Variants in NCAM2 observed in about 807,000 individuals in gnomAD.
The protein encoded by NCAM2 is neural cell adhesion molecule 2.
Under a neutral mutation model 98.1 loss-of-function variants are expected in NCAM2, and 30 were observed. The ratio of observed to expected loss-of-function variants is 0.31; its 90% CI spans 0.23 to 0.41. NCAM2 has a LOEUF of 0.41. NCAM2 is among the 10% of genes least tolerant of loss of function. The pLI is 1.00. For missense variants in NCAM2, 867 were observed against 1,005.8 expected (o/e 0.86, Z 1.87); for synonymous variants, 368 against 342.4 (o/e 1.07, Z -0.83).
intron 1 of NCAM2, among the ~76,000 whole-genome samples, chr21:21,048,192 T>TA (rs1432804459): frequency 6.6e-6 from 1 of 152,182 alleles, no homozygotes; most frequent in Non-Finnish European, 1.5e-5. Flanking sequence ...CTCTGTACAA[T>TA]AAAACTTGGT....
At chr21:21,123,099 T>C (rs945822829) in intron 1 of NCAM2, among the ~76,000 whole-genome samples, 3 of 152,162 alleles carry the variant, frequency 2.0e-5, no homozygotes, top group African/African-American at 4.8e-5. Flanking sequence ...AACATATGAT[T>C]TGAAAATTTT....
At chr21:21,217,496 G>GA (rs962421317) in intron 1 of NCAM2, among the ~76,000 whole-genome samples, 10 of 151,684 alleles carry the variant, frequency 6.6e-5, no homozygotes, top group African/African-American at 1.7e-4. Context: ...CTATAGAAAT[G>GA]AAAAAAAATC....
At chr21:21,520,833 A>AT in intron 16 of NCAM2, among the ~76,000 whole-genome samples, 1 of 152,204 alleles carries the variant, frequency 6.6e-6, no homozygotes, top group East Asian at 1.9e-4. Context: ...TTATTGATGA[A>AT]TTGGTAGAGG....
chr21:21,460,182 G>A (rs144168544), intron 12 of NCAM2, among the ~76,000 whole-genome samples: 1,841 of 151,908 alleles, frequency 0.012, 15 homozygotes, highest in Non-Finnish European at 0.02. Context: ...TTTATTGGGA[G>A]ATAATACATT....
chr21:21,212,265 C>A (rs566218304), intron 1 of NCAM2, among the ~76,000 whole-genome samples: 83 of 152,094 alleles, frequency 5.5e-4, no homozygotes, highest in Non-Finnish European at 1.1e-3. Context: ...GATGAATTTT[C>A]CACGAATTAT....
chr21:21,054,363 A>C (rs1420974752), intron 1 of NCAM2, among the ~76,000 whole-genome samples: 1 of 152,012 alleles, frequency 6.6e-6, no homozygotes, highest in Admixed American at 6.6e-5. Flanking sequence ...TCAGTTTGTA[A>C]ATCTTACTGC....
chr21:21,510,705 C>T (rs1175982432), intron 16 of NCAM2, among the ~76,000 whole-genome samples: 2 of 151,600 alleles, frequency 1.3e-5, no homozygotes, highest in South Asian at 2.1e-4. Flanking sequence ...AAAGTTTTGG[C>T]TTTTAAAATA....
At chr21:21,204,494 G>A (rs1041736429) in intron 1 of NCAM2, among the ~76,000 whole-genome samples, 5 of 152,010 alleles carry the variant, frequency 3.3e-5, no homozygotes, top group Admixed American at 2.6e-4. Flanking sequence ...TCGCTGTTTT[G>A]TAAATAACAT....
chr21:21,161,747 A>G (rs1429876942), intron 1 of NCAM2, among the ~76,000 whole-genome samples: 1 of 152,010 alleles, frequency 6.6e-6, no homozygotes, highest in African/African-American at 2.4e-5. Flanking sequence ...GGACCAATAT[A>G]TATGCAAACT....
At position 21,542,102 on chromosome 21, in the gene NCAM2, T is replaced by G. The variant is rs1402752273; in HGVS notation, c.*4145T>G. On this transcript the variant is annotated 3_prime_UTR_variant, in exon 18 of 18. Transcript: ENST00000400546. ...GTAAAATTTTCAAGAAAGTATTTTA[T>G]TCATGGACTTAATAATGTCTTAAGA... 1 of 151,910 alleles carries G rather than the reference T, an allele frequency of 6.6e-6. No homozygotes were observed. Among genetic ancestry groups the G allele is most frequent in the Non-Finnish European group, 1.5e-5 (1 of 67,848 alleles). The allele number at this position is 151,910 out of a possible 1,614,324, so 9.4% of individuals were successfully genotyped here. A position where few individuals can be genotyped will look rare whatever the true frequency, so the allele number is the denominator to read the frequency against.
In NCAM2 at chr21:21,169,768, G is replaced by T. The variant is rs1306248834; in HGVS notation, c.56-110810G>T. On this transcript the variant is annotated intron_variant, in intron 1 of 17. Coordinates refer to ENST00000400546, the MANE Select transcript of NCAM2 (RefSeq NM_004540.5). ...GTTTGAAACCAGCCTGGGCAACATG[G>T]TGAAATTCATTCTCTGCAAATAAAA... 2.6e-5 allele frequency among the ~76,000 whole-genome samples: 4 copies of T among 151,974 alleles called. No homozygotes were observed. In the South Asian group the frequency reaches 8.3e-4, roughly 32 times the overall value.
intron 9 of NCAM2, among the ~76,000 whole-genome samples, chr21:21,376,754 T>G (rs990602156): frequency 7.2e-5 from 11 of 151,848 alleles, no homozygotes; most frequent in African/African-American, 2.7e-4. Flanking sequence ...TTTATAAGTT[T>G]AAATATTGGT....
intron 16 of NCAM2, among the ~76,000 whole-genome samples, chr21:21,525,193 A>G (rs1177039501): frequency 2.0e-5 from 3 of 152,130 alleles, no homozygotes; most frequent in Non-Finnish European, 2.9e-5. Context: ...AACAAAATCA[A>G]TAGAGAAAAT....
chr21:21,057,917 C>T (rs1348138010), intron 1 of NCAM2, among the ~76,000 whole-genome samples: 1 of 152,114 alleles, frequency 6.6e-6, no homozygotes, highest in African/African-American at 2.4e-5. Flanking sequence ...GACTCCAATA[C>T]CTGTCTCCTT....
At chr21:21,451,429 A>G (rs528644615) in intron 12 of NCAM2, among the ~76,000 whole-genome samples, 4 of 152,290 alleles carry the variant, frequency 2.6e-5, no homozygotes, top group East Asian at 1.9e-4. Context: ...TTAATTCTTA[A>G]TGAACATGAG....
intron 1 of NCAM2, among the ~76,000 whole-genome samples, chr21:21,005,350 G>A (rs925878718): frequency 6.6e-6 from 1 of 152,028 alleles, no homozygotes; most frequent in South Asian, 2.1e-4. Flanking sequence ...TGGTAGGAAC[G>A]TGCCGCATGA....
Position 21,473,903 on chromosome 21 carries a change from CA to C in NCAM2, c.1897-3374del, listed in dbSNP as rs5842929. Among the ~76,000 whole-genome samples the C allele has an allele frequency of 9.6e-3, 1,308 of 136,218 alleles. 11 individuals are homozygous for C. Among genetic ancestry groups the C allele is most frequent in the African/African-American group, 0.024 (875 of 36,386 alleles). 89.4% of individuals were successfully genotyped at this position (136,218 alleles called of 152,430 possible). Reference sequence around the variant, plus strand: ...CCATATGGCCCTGCTATTTTCTGACCAAAAAAAAAAAAAAGGAATTGCTTAA... The same window carrying C: ...CCATATGGCCCTGCTATTTTCTGACCAAAAAAAAAAAAAGGAATTGCTTAA... On this transcript the variant is annotated intron_variant, in intron 14 of 17. Transcript: ENST00000400546.
chr21:21,329,234 A>C (rs2074606007), intron 6 of NCAM2, among the ~76,000 whole-genome samples: 1 of 152,194 alleles, frequency 6.6e-6, no homozygotes, highest in Non-Finnish European at 1.5e-5. Context: ...GGTGTGAGCC[A>C]CCACGCCTAG....
chr21:21,366,894 T>A (rs1387277302), intron 8 of NCAM2, among the ~76,000 whole-genome samples: 1 of 151,982 alleles, frequency 6.6e-6, no homozygotes, highest in Non-Finnish European at 1.5e-5. Flanking sequence ...ACATTTTAAA[T>A]TTTCGATTTT....
Sources: allele counts gnomAD v4.1 joint callset (sites outside exome capture counted in the v4.1 genomes callset), GRCh38; gene constraint gnomAD v4.1.1; transcripts MANE v1.5; gene names NCBI Gene and HGNC (gene_info 2026-07-23, HGNC 2026-07-21).